ALDH6A1: variants seen among roughly 807,000 people sequenced by gnomAD.
The protein encoded by ALDH6A1 is methylmalonate-semialdehyde/malonate-semialdehyde dehydrogenase [acylating], mitochondrial.
A neutral mutation model predicts 62.6 loss-of-function variants in ALDH6A1; 43 were observed. That is an observed-to-expected ratio of 0.69 (90% CI 0.54 to 0.89). The LOEUF (loss-of-function observed/expected upper bound fraction) is 0.89, where lower values mean the gene tolerates loss of function less well. Ranked by LOEUF, ALDH6A1 falls within the 40% of genes least tolerant of loss-of-function variation. ALDH6A1 has a pLI of 0.00. For missense variants in ALDH6A1, 551 were observed against 661.3 expected (o/e 0.83, Z 1.83); for synonymous variants, 194 against 234.2 (o/e 0.83, Z 1.57).
rs900892673 is a variant in ALDH6A1 at position 74,072,556 on chromosome 14, C to T, written c.167G>A (p.Trp56Ter). ...GCTTACTGGGTTGTGGATATCGATC[C>T]ATTTGTCACTTTTGGATTCAACGAA... ...GKFVESKSDKWIDIHNPATNE... is the reference protein window; with the variant it reads ...GKFVESKSDK Residue 56 changes from tryptophan (W) to a stop codon, truncating the protein, a stop_gained, in exon 3 of 12, where the codon TGG becomes TAG. Coordinates refer to ENST00000553458, the MANE Select transcript of ALDH6A1 (RefSeq NM_005589.4). LOFTEE classifies it high-confidence loss of function. 1.2e-6 allele frequency: 2 copies of T among 1,614,020 alleles called. No individual in the cohort carries two copies. Among genetic ancestry groups the T allele is most frequent in the Non-Finnish European group, 1.7e-6 (2 of 1,180,008 alleles).
At chr14:74,073,791 G>A (rs770198301) in intron 2 of ALDH6A1, among the ~76,000 whole-genome samples, 8 of 151,582 alleles carry the variant, frequency 5.3e-5, no homozygotes, top group Non-Finnish European at 8.8e-5. Flanking sequence ...GGTGGCATGC[G>A]ACTGTAATCC....
rs780154266 is a variant in ALDH6A1 at position 74,060,455 on chromosome 14, T to C, written c.*187A>G. On this transcript the variant is annotated 3_prime_UTR_variant, in exon 12 of 12. Transcript: ENST00000553458. ...AGAAGTATGAAGAGCAAGTGAGAAATCTGGTTTCATTGTTACACTAGGCAG... is the reference window on the plus strand; with the variant it reads ...AGAAGTATGAAGAGCAAGTGAGAAACCTGGTTTCATTGTTACACTAGGCAG... 3 of 607,668 alleles carry C rather than the reference T, an allele frequency of 4.9e-6. No homozygotes were observed. Among genetic ancestry groups the C allele is most frequent in the Admixed American group, 5.5e-5 (2 of 36,380 alleles). The allele number at this position is 607,668 out of a possible 1,614,324, so 37.6% of individuals were successfully genotyped here. A position where few individuals can be genotyped will look rare whatever the true frequency, so the allele number is the denominator to read the frequency against.
In ALDH6A1 at chr14:74,071,515, G is replaced by A. The variant is rs896524780; in HGVS notation, c.428-18C>T. ...AACCACCTCTGGAACACAGAAGTCA[G>A]GCCATCAGCTCTCCACACTGTGTAC... On this transcript the variant is annotated intron_variant, in intron 5 of 11. Transcript: ENST00000553458. 6.2e-7 allele frequency: 1 copy of A among 1,613,136 alleles called. No homozygotes were observed. Among genetic ancestry groups the A allele is most frequent in the Admixed American group, 1.7e-5 (1 of 59,982 alleles).
At chr14:74,076,322 C>T (rs1421181434) in intron 1 of ALDH6A1, among the ~76,000 whole-genome samples, 2 of 152,104 alleles carry the variant, frequency 1.3e-5, no homozygotes, top group Non-Finnish European at 2.9e-5. Context: ...AACAAGATAA[C>T]TCTCAAATTG....
chr14:74,071,633 G>A (rs1383140567), intron 5 of ALDH6A1, 136 bp from the exon 6 acceptor site: 3 of 1,559,882 alleles, frequency 1.9e-6, no homozygotes, highest in East Asian at 2.3e-5. Flanking sequence ...GCCCTTCCAA[G>A]TTAAGGGTTT....
intron 1 of ALDH6A1, among the ~76,000 whole-genome samples, chr14:74,080,755 T>C (rs1055239662): frequency 5.3e-5 from 8 of 152,192 alleles, no homozygotes; most frequent in Non-Finnish European, 8.8e-5. Context: ...CTCTTAAACT[T>C]TCTGAATCTA....
At chr14:74,070,572 G>A (rs1014861514) in intron 6 of ALDH6A1, 3 of 153,892 alleles carry the variant, frequency 1.9e-5, no homozygotes, top group Non-Finnish European at 1.4e-5. Context: ...GGGACACTCA[G>A]ACACTATTGT....
At chr14:74,075,142 A>C in intron 1 of ALDH6A1, 125 bp from the exon 2 acceptor site, 1 of 788,996 alleles carries the variant, frequency 1.3e-6, no homozygotes, top group Non-Finnish European at 2.1e-6. Flanking sequence ...AAGGCCATAC[A>C]GTCATTAAAG....
At position 74,057,352 on chromosome 14, in the gene ALDH6A1, G is replaced by T. The variant is rs1326206822; in HGVS notation, c.*3290C>A. The T allele has an allele frequency of 1.3e-6, 2 of 1,583,706 alleles. No individual in the cohort carries two copies. The highest frequency in any genetic ancestry group is 1.3e-5 in the African/African-American group (1 of 74,406). Reference sequence around the variant, plus strand: ...ATCACGGTTATTTTCTCTACTAGTTGAGAGACTTCAGGGATCAGTGGAATG... The same window carrying T: ...ATCACGGTTATTTTCTCTACTAGTTTAGAGACTTCAGGGATCAGTGGAATG... On this transcript the variant is annotated 3_prime_UTR_variant, in exon 12 of 12. Coordinates refer to ENST00000553458, the MANE Select transcript of ALDH6A1 (RefSeq NM_005589.4).
intron 1 of ALDH6A1, among the ~76,000 whole-genome samples, chr14:74,077,984 T>C (rs565752430): frequency 6.6e-6 from 1 of 152,228 alleles, no homozygotes; most frequent in African/African-American, 2.4e-5. Context: ...TTTCTGCCTG[T>C]AGTCCCAACT....
In ALDH6A1 at chr14:74,058,232, CAGG is replaced by C. The variant is rs2060263209; in HGVS notation, c.*2407_*2409del. 2 of 152,232 alleles carry C rather than the reference CAGG, an allele frequency of 1.3e-5. No homozygotes were observed. The highest frequency in any genetic ancestry group is 2.9e-5 in the Non-Finnish European group (2 of 68,180). The allele number at this position is 152,232 out of a possible 1,614,324, so 9.4% of individuals were successfully genotyped here. On this transcript the variant is annotated 3_prime_UTR_variant, in exon 12 of 12. Transcript: ENST00000553458. ...ATCCCAGCTACTCGGGAGACTGAGG[CAGG>C]AGAATTACTTGAACCCAGGAGGTGG...
chr14:74,074,831 A>G, intron 2 of ALDH6A1, 124 bp downstream of exon 2: 2 of 991,064 alleles, frequency 2.0e-6, no homozygotes, highest in Non-Finnish European at 3.1e-6. Context: ...AAATAATCCA[A>G]AAGGAGGAAA....
Position 74,057,704 on chromosome 14 carries a change from A to G in ALDH6A1, c.*2938T>C, listed in dbSNP as rs1439487633. 2 of 1,244,408 alleles carry G rather than the reference A, an allele frequency of 1.6e-6. No individual in the cohort carries two copies. Among genetic ancestry groups the G allele is most frequent in the Admixed American group, 6.2e-5 (2 of 32,232 alleles). 77.1% of individuals were successfully genotyped at this position (1,244,408 alleles called of 1,614,324 possible). ...TTTTAATTTATAATTTGTTATTCATAATTAGTACAATGTAGAATCTGAGAA... is the reference window on the plus strand; with the variant it reads ...TTTTAATTTATAATTTGTTATTCATGATTAGTACAATGTAGAATCTGAGAA... On this transcript the variant is annotated 3_prime_UTR_variant, in exon 12 of 12. Coordinates refer to ENST00000553458, the MANE Select transcript of ALDH6A1 (RefSeq NM_005589.4).
Position 74,057,800 on chromosome 14 carries a change from T to TTA in ALDH6A1, c.*2841_*2842insTA. ...TTAGCCGCGATCACATGAATATAAC[T>TTA]GATGAGTTTTTTTCATCTAAGAAAT... On this transcript the variant is annotated 3_prime_UTR_variant, in exon 12 of 12. Coordinates refer to ENST00000553458, the MANE Select transcript of ALDH6A1 (RefSeq NM_005589.4). 9.6e-7 allele frequency: 1 copy of TTA among 1,043,176 alleles called. No individual in the cohort carries two copies. Among genetic ancestry groups the TTA allele is most frequent in the Admixed American group, 5.2e-5 (1 of 19,058 alleles). 64.6% of individuals were successfully genotyped at this position (1,043,176 alleles called of 1,614,324 possible). A position where few individuals can be genotyped will look rare whatever the true frequency, so the allele number is the denominator to read the frequency against.
rs749852858 is a variant in ALDH6A1 at position 74,067,397 on chromosome 14, T to G, written c.1025A>C (p.Asn342Thr). The change falls in exon 8 of 12, where the codon AAC (asparagine) becomes ACC (threonine). Residue 342 changes from asparagine (N) to threonine (T), a missense_variant. Physicochemically the swap from Asn to Thr is moderately conservative, Grantham distance 65 (BLOSUM62 0). Coordinates refer to ENST00000553458, the MANE Select transcript of ALDH6A1 (RefSeq NM_005589.4). ...WLPELVEHAKNLRVNAGDQPG... is the reference protein window; with the variant it reads ...WLPELVEHAKTLRVNAGDQPG... Reference sequence around the variant, plus strand: ...TTGATTACCTGCATTGACTCTCAGGTTTTTGGCATGCTCCACCAGCTCTGG... The same window carrying G: ...TTGATTACCTGCATTGACTCTCAGGGTTTTGGCATGCTCCACCAGCTCTGG... 6.2e-7 allele frequency: 1 copy of G among 1,613,254 alleles called. No homozygotes were observed. The highest frequency in any genetic ancestry group is 8.5e-7 in the Non-Finnish European group (1 of 1,179,978).
chr14:74,082,204 C>G (rs968501355), intron 1 of ALDH6A1, among the ~76,000 whole-genome samples: 1 of 152,056 alleles, frequency 6.6e-6, no homozygotes, highest in South Asian at 2.1e-4. Context: ...GACCCTGTCT[C>G]GAACATTCCT....
intron 11 of ALDH6A1, among the ~76,000 whole-genome samples, chr14:74,062,052 A>G (rs7140223): frequency 0.31 from 19,888 of 63,600 alleles, 1,353 homozygotes; most frequent in East Asian, 0.56. Context: ...CTCTACTGGG[A>G]AAAAAAAAAA....
At chr14:74,071,024 A>G (rs2060541979) in intron 6 of ALDH6A1, 171 bp downstream of exon 6, 2 of 700,500 alleles carry the variant, frequency 2.9e-6, no homozygotes, top group African/African-American at 3.5e-5. Context: ...TTCCCCAATC[A>G]GTTACCTTGG....
chr14:74,066,111 A>G (rs1467180440), intron 9 of ALDH6A1: 1 of 154,294 alleles, frequency 6.5e-6, no homozygotes, highest in East Asian at 1.9e-4. Context: ...GTCACTTTCA[A>G]TAAATATTGG....
Sources: allele counts gnomAD v4.1 joint callset (sites outside exome capture counted in the v4.1 genomes callset), GRCh38; gene constraint gnomAD v4.1.1; transcripts MANE v1.5; gene names NCBI Gene and HGNC (gene_info 2026-07-23, HGNC 2026-07-21).